ZC2HC1A: variants seen among roughly 807,000 people sequenced by gnomAD.
ZC2HC1A encodes zinc finger C2HC domain-containing protein 1A.
In ZC2HC1A, 28 loss-of-function variants were observed where a neutral mutation model predicts 40.7. The ratio of observed to expected loss-of-function variants is 0.69; its 90% confidence interval spans 0.51 to 0.94. The LOEUF is 0.94. Among genes scored for constraint, ZC2HC1A ranks in the 40% least tolerant of loss-of-function variants. The pLI, the probability that ZC2HC1A is intolerant of heterozygous loss-of-function variation, is 0.00. For synonymous variants in ZC2HC1A, 129 were observed against 129.2 expected, an observed-to-expected ratio of 1.00 and a Z score of 0.01; for missense variants, 389 against 386.3, an observed-to-expected ratio of 1.01 and a Z score of -0.06.
intron 3 of ZC2HC1A, among the ~76,000 whole-genome samples, chr8:78,684,130 G>A (rs1304919810): frequency 4.6e-5 from 7 of 152,222 alleles, no homozygotes; most frequent in African/African-American, 1.4e-4. Context: ...CAGTTCCAAA[G>A]TTGCTTACAC....
chr8:78,682,274 TAAG>T (rs1054405976), intron 3 of ZC2HC1A, among the ~76,000 whole-genome samples: 9 of 152,088 alleles, frequency 5.9e-5, no homozygotes, highest in Non-Finnish European at 1.3e-4. Flanking sequence ...TACAGTTAGA[TAAG>T]AAGAAGAAAT....
chr8:78,679,453 G>T (rs896696735), intron 3 of ZC2HC1A: 1 of 152,070 alleles, frequency 6.6e-6, no homozygotes, highest in Non-Finnish European at 1.5e-5. Flanking sequence ...AATAGTTGTT[G>T]AATTGTGTCT....
chr8:78,700,754 A>T (rs768866962), intron 7 of ZC2HC1A, among the ~76,000 whole-genome samples: 7 of 152,188 alleles, frequency 4.6e-5, no homozygotes, highest in Non-Finnish European at 1.0e-4. Flanking sequence ...CTTTTATTAA[A>T]TAGGGAATCC....
chr8:78,692,271 T>C (rs1236274520), intron 5 of ZC2HC1A, among the ~76,000 whole-genome samples: 1 of 152,182 alleles, frequency 6.6e-6, no homozygotes, highest in Non-Finnish European at 1.5e-5. Context: ...AGATTCTACA[T>C]GTAAGTGAGT....
chr8:78,718,834 G>C lies in ZC2HC1A; in HGVS notation c.*1341G>C, dbSNP rs944259214. ...AACCTAAGAGAGCTTTGATCTTACT[G>C]TAAAGGTACAAACAAATCTCTTATA... On this transcript the variant is annotated 3_prime_UTR_variant, in exon 9 of 9. Transcript: ENST00000263849. 8 of 151,374 alleles carry C rather than the reference G, an allele frequency of 5.3e-5. No homozygotes were observed. The highest frequency in any genetic ancestry group is 1.7e-4 in the African/African-American group (7 of 41,306). 9.4% of individuals were successfully genotyped at this position (151,374 alleles called of 1,614,324 possible).
rs532849409 is a variant in ZC2HC1A, at chr8:78,694,091, T to C, written c.505-3316T>C. ...TGCTCAGTTCTGTTCCATTGGTCTA[T>C]ATCTCTGTTTTGTGTTTTTAATTTC... is the stretch of plus-strand genomic sequence containing the variant. On this transcript the variant is annotated intron_variant, in intron 5 of 8. Transcript: ENST00000263849. Among the ~76,000 whole-genome samples the C allele has an allele frequency of 3.3e-5, 5 of 152,306 alleles. No homozygotes were observed. In the South Asian group the frequency reaches 1.0e-3, roughly 32 times the overall value.
chr8:78,700,720 A>G (rs1810573880), intron 7 of ZC2HC1A, among the ~76,000 whole-genome samples: 2 of 152,152 alleles, frequency 1.3e-5, no homozygotes, highest in Admixed American at 6.6e-5. Context: ...TCTTCTGCAT[A>G]TTGCTAGCCA....
intron 5 of ZC2HC1A, among the ~76,000 whole-genome samples, chr8:78,696,435 T>C (rs112930496): frequency 3.3e-4 from 50 of 152,224 alleles, no homozygotes; most frequent in African/African-American, 1.2e-3. Context: ...AGCATTGGGC[T>C]AGAACCAGCA....
At chr8:78,685,247 G>A (rs1809930140) in intron 3 of ZC2HC1A, among the ~76,000 whole-genome samples, 1 of 77,360 alleles carries the variant, frequency 1.3e-5, no homozygotes, top group Non-Finnish European at 3.3e-5. Flanking sequence ...TAGGACAACT[G>A]CATAGCCATG....
At chr8:78,697,014 A>C (rs1810442805) in intron 5 of ZC2HC1A, among the ~76,000 whole-genome samples, 1 of 152,082 alleles carries the variant, frequency 6.6e-6, no homozygotes, top group African/African-American at 2.4e-5. Flanking sequence ...AGTTTGTTTT[A>C]GCAGTGGAGC....
intron 5 of ZC2HC1A, among the ~76,000 whole-genome samples, chr8:78,694,120 C>T (rs1313118729): frequency 6.6e-6 from 1 of 151,916 alleles, no homozygotes; most frequent in African/African-American, 2.4e-5. Flanking sequence ...TAATTTCTTG[C>T]AGTTGGCTGG....
At chr8:78,668,495 C>G (rs1809361748) in intron 1 of ZC2HC1A, among the ~76,000 whole-genome samples, 1 of 152,068 alleles carries the variant, frequency 6.6e-6, no homozygotes. Context: ...AATATATGGA[C>G]TCTTGAAAAT....
chr8:78,705,907 C>T (rs1055351795), intron 7 of ZC2HC1A, among the ~76,000 whole-genome samples: 1 of 152,004 alleles, frequency 6.6e-6, no homozygotes, highest in Non-Finnish European at 1.5e-5. Context: ...ACTTTCGTCC[C>T]AGTTGGCTTT....
intron 7 of ZC2HC1A, among the ~76,000 whole-genome samples, chr8:78,705,347 C>T (rs1810737408): frequency 6.6e-6 from 1 of 152,196 alleles, no homozygotes; most frequent in East Asian, 1.9e-4. Context: ...CTTGTGTATG[C>T]TGGGTGTCCA....
intron 3 of ZC2HC1A, among the ~76,000 whole-genome samples, chr8:78,681,824 A>G (rs1809792572): frequency 6.6e-6 from 1 of 151,710 alleles, no homozygotes; most frequent in South Asian, 2.1e-4. Context: ...TCTTTATAAT[A>G]TCTTCTTGTC....
chr8:78,696,086 G>T (rs905910572), intron 5 of ZC2HC1A, among the ~76,000 whole-genome samples: 2 of 151,756 alleles, frequency 1.3e-5, no homozygotes, highest in Non-Finnish European at 2.9e-5. Flanking sequence ...CCAGGCTAGA[G>T]TGCAGTGGCG....
At chr8:78,688,330 T>A (rs183628995) in intron 4 of ZC2HC1A, among the ~76,000 whole-genome samples, 3 of 152,226 alleles carry the variant, frequency 2.0e-5, no homozygotes, top group African/African-American at 7.2e-5. Flanking sequence ...TAGAAGTTTT[T>A]TTAATCTTTT....
At chr8:78,698,366 G>T in intron 6 of ZC2HC1A, 48 bp from the exon 7 acceptor site, 1 of 1,467,578 alleles carries the variant, frequency 6.8e-7, no homozygotes. Context: ...TCTGTTTTAT[G>T]TAACCTTTTT....
At chr8:78,692,459 C>T (rs1321493024) in intron 5 of ZC2HC1A, among the ~76,000 whole-genome samples, 1 of 152,158 alleles carries the variant, frequency 6.6e-6, no homozygotes, top group African/African-American at 2.4e-5. Flanking sequence ...CATGTTTTCT[C>T]TTTCTTTGCT....
Sources: allele counts gnomAD v4.1 joint callset (sites outside exome capture counted in the v4.1 genomes callset), GRCh38; gene constraint gnomAD v4.1.1; transcripts MANE v1.5; gene names NCBI Gene and HGNC (gene_info 2026-07-23, HGNC 2026-07-21).